CNTNAP5: variants seen among roughly 807,000 people sequenced by gnomAD.
CNTNAP5 encodes contactin-associated protein-like 5.
A neutral mutation model predicts 150.2 loss-of-function variants in CNTNAP5; 72 were observed. The ratio of observed to expected loss-of-function variants is 0.48; its 90% CI spans 0.40 to 0.58. CNTNAP5 has a LOEUF of 0.58. Ranked by LOEUF, CNTNAP5 falls within the 20% of genes least tolerant of loss-of-function variation. The pLI is 0.00. For missense variants in CNTNAP5, 1,636 were observed against 1,626.2 expected, an observed-to-expected ratio of 1.01 and a Z score of -0.10; for synonymous variants, 672 against 619.8, an observed-to-expected ratio of 1.08 and a Z score of -1.25.
intron 12 of CNTNAP5, among the ~76,000 whole-genome samples, chr2:124,642,345 C>G (rs749346626): frequency 6.6e-6 from 1 of 152,064 alleles, no homozygotes. Context: ...GACTTCTTTT[C>G]AGTTTGGACT....
chr2:124,504,397 C>T lies in CNTNAP5; in HGVS notation c.1168C>T (p.Leu390Phe), dbSNP rs774077100. The T allele has an allele frequency of 6.2e-7, 1 of 1,613,852 alleles. No homozygotes were observed. Among genetic ancestry groups the T allele is most frequent in the African/African-American group, 1.3e-5 (1 of 74,928 alleles). ...GCCCGGCACCCCCCAAATTGATGGG[C>T]TCTCAGTGAGTTTCCAGTTTCGAAC... is the stretch of plus-strand genomic sequence containing the variant. ...LLPGTPQIDG[L>F]SVSFQFRTWN... The change falls in exon 8 of 24, where the codon CTC becomes TTC. Residue 390 changes from leucine (L) to phenylalanine (F), a missense_variant. Physicochemically the swap from Leu to Phe is conservative, Grantham distance 22. Coordinates refer to ENST00000682447, the MANE Select transcript of CNTNAP5 (RefSeq NM_001367498.1).
intron 13 of CNTNAP5, 151 bp from the exon 14 acceptor site, chr2:124,747,078 G>C (rs1042896364): frequency 1.1e-5 from 7 of 617,354 alleles, no homozygotes; most frequent in African/African-American, 9.5e-5. Context: ...CAAAGGGAAG[G>C]GGGGATGTGA....
chr2:124,690,480 C>T (rs1679278733), intron 13 of CNTNAP5, among the ~76,000 whole-genome samples: 1 of 152,030 alleles, frequency 6.6e-6, no homozygotes, highest in Non-Finnish European at 1.5e-5. Flanking sequence ...ATCAGATGTC[C>T]CTGTTTCCAG....
chr2:124,856,843 GA>G (rs1352538353), intron 19 of CNTNAP5, among the ~76,000 whole-genome samples: 3 of 152,172 alleles, frequency 2.0e-5, no homozygotes, highest in Non-Finnish European at 2.9e-5. Flanking sequence ...GACGTATACA[GA>G]GTCTAACATT....
At chr2:124,856,218 A>C (rs1677370647) in intron 19 of CNTNAP5, among the ~76,000 whole-genome samples, 1 of 152,150 alleles carries the variant, frequency 6.6e-6, no homozygotes, top group African/African-American at 2.4e-5. Flanking sequence ...CACATACCAC[A>C]ATTTCTTAAT....
At chr2:124,439,741 C>T (rs984266803) in intron 5 of CNTNAP5, among the ~76,000 whole-genome samples, 26 of 152,112 alleles carry the variant, frequency 1.7e-4, no homozygotes, top group African/African-American at 5.3e-4. Context: ...AATAGCTTTG[C>T]GTATTGCCCA....
At chr2:124,362,977 G>A (rs1690259241) in intron 3 of CNTNAP5, among the ~76,000 whole-genome samples, 1 of 151,968 alleles carries the variant, frequency 6.6e-6, no homozygotes, top group African/African-American at 2.4e-5. Flanking sequence ...AGTCTCCTTT[G>A]GCAACTCAAG....
At chr2:124,719,393 C>A (rs966131158) in intron 13 of CNTNAP5, among the ~76,000 whole-genome samples, 2 of 152,054 alleles carry the variant, frequency 1.3e-5, no homozygotes, top group African/African-American at 4.8e-5. Context: ...TCAAAGTTCC[C>A]GTCTCTGGCT....
At chr2:124,725,813 A>G (rs1324371796) in intron 13 of CNTNAP5, among the ~76,000 whole-genome samples, 3 of 151,796 alleles carry the variant, frequency 2.0e-5, no homozygotes, top group African/African-American at 4.8e-5. Context: ...ATCATAAGGT[A>G]TTTGTCTTTC....
At chr2:124,068,841 C>G (rs546429106) in intron 1 of CNTNAP5, among the ~76,000 whole-genome samples, 1 of 152,062 alleles carries the variant, frequency 6.6e-6, no homozygotes, top group East Asian at 2.0e-4. Flanking sequence ...GACAACATTT[C>G]TAGATATACC....
chr2:124,407,000 G>A (rs1036806966), intron 3 of CNTNAP5, among the ~76,000 whole-genome samples: 7 of 152,138 alleles, frequency 4.6e-5, no homozygotes, highest in Non-Finnish European at 8.8e-5. Flanking sequence ...ATAACCTCCA[G>A]TTCCGTCCAT....
chr2:124,421,021 G>A (rs1317577161), intron 4 of CNTNAP5, among the ~76,000 whole-genome samples: 3 of 152,154 alleles, frequency 2.0e-5, no homozygotes, highest in African/African-American at 7.2e-5. Context: ...GATTCAAAAA[G>A]CTATGTCCAT....
intron 11 of CNTNAP5, among the ~76,000 whole-genome samples, chr2:124,583,424 C>T (rs1696458865): frequency 6.6e-6 from 1 of 152,198 alleles, no homozygotes; most frequent in Admixed American, 6.5e-5. Flanking sequence ...GTTTCTGTGG[C>T]CTCTCCAATG....
chr2:124,353,066 C>T (rs915076373), intron 3 of CNTNAP5, among the ~76,000 whole-genome samples: 2 of 152,004 alleles, frequency 1.3e-5, no homozygotes, highest in Non-Finnish European at 2.9e-5. Context: ...CCACATTGAG[C>T]GAGGTCTCCA....
At chr2:124,312,594 G>A (rs1325606906) in intron 3 of CNTNAP5, among the ~76,000 whole-genome samples, 5 of 152,010 alleles carry the variant, frequency 3.3e-5, no homozygotes, top group South Asian at 2.1e-4. Context: ...TTTTTGAGAC[G>A]GAGTCTCGCT....
chr2:124,289,251 G>T (rs1460034532), intron 3 of CNTNAP5, among the ~76,000 whole-genome samples: 1 of 152,118 alleles, frequency 6.6e-6, no homozygotes, highest in Non-Finnish European at 1.5e-5. Flanking sequence ...TTGGCAAAGA[G>T]CCAAAGTTAA....
intron 3 of CNTNAP5, among the ~76,000 whole-genome samples, chr2:124,362,637 A>G (rs1319093478): frequency 6.6e-6 from 1 of 152,180 alleles, no homozygotes; most frequent in Non-Finnish European, 1.5e-5. Context: ...GTGAAGGAAT[A>G]ATCATTGTAG....
intron 1 of CNTNAP5, among the ~76,000 whole-genome samples, chr2:124,147,649 CT>C (rs1356033025): frequency 1.3e-5 from 2 of 152,230 alleles, no homozygotes; most frequent in African/African-American, 4.8e-5. Flanking sequence ...AGCGCTACAG[CT>C]CTGGAGTGGG....
intron 8 of CNTNAP5, among the ~76,000 whole-genome samples, chr2:124,505,649 C>A (rs989270731): frequency 4.6e-5 from 7 of 151,976 alleles, no homozygotes; most frequent in African/African-American, 7.3e-5. Flanking sequence ...TTCTGGATAC[C>A]CTGGCTCCTC....
Sources: allele counts gnomAD v4.1 joint callset (sites outside exome capture counted in the v4.1 genomes callset), GRCh38; gene constraint gnomAD v4.1.1; transcripts MANE v1.5; gene names NCBI Gene and HGNC (gene_info 2026-07-23, HGNC 2026-07-21).